Variants in GP9 observed in about 807,000 individuals in gnomAD.
GP9 encodes the protein platelet glycoprotein IX.
For synonymous variants in GP9, 116 were observed against 116.7 expected, an observed-to-expected ratio of 0.99 and a Z score of 0.04; for missense variants, 228 against 241.8, an observed-to-expected ratio of 0.94 and a Z score of 0.38.
Position 129,061,784 on chromosome 3 carries a change from G to A in GP9, c.45G>A (p.Glu15=). The A allele has an allele frequency of 6.2e-7, 1 of 1,613,188 alleles. No homozygotes were observed. Among genetic ancestry groups the A allele is most frequent in the Non-Finnish European group, 8.5e-7 (1 of 1,179,800 alleles). Residue 15 remains glutamate (E), a synonymous_variant, in exon 3 of 3, where the codon GAG becomes GAA. Transcript: ENST00000307395. ...TGTTCCTGCTCTGGGCCACAGCAGA[G>A]GCCACCAAGGACTGCCCCAGCCCAT... ...GALFLLWATA[E]ATKDCPSPCT... is the part of the protein sequence containing the mutation.
the GP9 span, among the ~76,000 whole-genome samples, chr3:129,055,104 G>C: frequency 4.6e-5 from 7 of 152,180 alleles, no homozygotes; most frequent in East Asian, 1.9e-4. Context: ...CAGTAATGCT[G>C]GTCAGTTGTT....
At chr3:129,057,480 T>G (rs1471070184), upstream of GP9, among the ~76,000 whole-genome samples, 3 of 151,950 alleles carry the variant, frequency 2.0e-5, no homozygotes, top group East Asian at 5.8e-4. Flanking sequence ...GGCTGGACAT[T>G]GATGAGCAAA....
At chr3:129,059,782 G>C (rs568129720), upstream of GP9, among the ~76,000 whole-genome samples, 1 of 152,298 alleles carries the variant, frequency 6.6e-6, no homozygotes, top group East Asian at 1.9e-4. Context: ...GAGGAGGAAG[G>C]CTGGCCTGAG....
At position 129,061,478 on chromosome 3, in the gene GP9, C is replaced by T. The variant is rs2107956062; in HGVS notation, c.-138-16C>T. On this transcript the variant is annotated splice_polypyrimidine_tract_variant and intron_variant, in intron 1 of 2. Coordinates refer to ENST00000307395, the MANE Select transcript of GP9 (RefSeq NM_000174.5). ...GTCCCTTCCCCTTCCCAAAAACAAACTTACCCAATCCACAGCCGCCCTCAC... is the reference window on the plus strand; with the variant it reads ...GTCCCTTCCCCTTCCCAAAAACAAATTTACCCAATCCACAGCCGCCCTCAC... 1 of 581,404 alleles carries T rather than the reference C, an allele frequency of 1.7e-6. No homozygotes were observed. Among genetic ancestry groups the T allele is most frequent in the Non-Finnish European group, 3.1e-6 (1 of 324,308 alleles). The allele number at this position is 581,404 out of a possible 1,614,324, so 36.0% of individuals were successfully genotyped here.
At chr3:129,059,459 G>A (rs1423319686), upstream of GP9, among the ~76,000 whole-genome samples, 5 of 152,210 alleles carry the variant, frequency 3.3e-5, no homozygotes, top group Non-Finnish European at 5.9e-5. Flanking sequence ...AGGGAGGGAA[G>A]GGCCAGACAG....
rs1946589739 is a variant in GP9 at position 129,062,296 on chromosome 3, C to T, written c.*23C>T. On this transcript the variant is annotated 3_prime_UTR_variant, in exon 3 of 3. Transcript: ENST00000307395. ...TGAGCCAGGCCCCCAGAACCCCTGG[C>T]TCCAGGCCAGGGGGCCAGTCCCTGA... 4.6e-6 allele frequency: 7 copies of T among 1,521,342 alleles called. No individual in the cohort carries two copies. The highest frequency in any genetic ancestry group is 2.5e-5 in the East Asian group (1 of 40,624). 94.2% of individuals were successfully genotyped at this position (1,521,342 alleles called of 1,614,324 possible). A position where few individuals can be genotyped will look rare whatever the true frequency, so the allele number is the denominator to read the frequency against.
chr3:129,062,198 G>A lies in GP9; in HGVS notation c.459G>A (p.Ala153=), dbSNP rs753215807. Residue 153 remains alanine, a synonymous_variant, in exon 3 of 3, where the codon GCG becomes GCA. Coordinates refer to ENST00000307395, the MANE Select transcript of GP9 (RefSeq NM_000174.5). ...WVRPGVLWDV[A]LVAVAALGLA... ...GCCCGGGGGTCTTGTGGGACGTGGC[G>A]CTGGTCGCCGTGGCCGCGCTGGGCC... 3.3e-5 allele frequency: 52 copies of A among 1,569,016 alleles called. No individual in the cohort carries two copies. The highest frequency in any genetic ancestry group is 8.1e-5 in the South Asian group (7 of 86,580).
chr3:129,058,448 G>A (rs773082283), upstream of GP9, among the ~76,000 whole-genome samples: 49 of 152,234 alleles, frequency 3.2e-4, no homozygotes, highest in Non-Finnish European at 3.5e-4. Flanking sequence ...GCCTGCTGAT[G>A]GCAGCAGGAT....
chr3:129,060,391 A>C (rs900811476), upstream of GP9, among the ~76,000 whole-genome samples: 3 of 152,260 alleles, frequency 2.0e-5, no homozygotes, highest in African/African-American at 7.2e-5. Context: ...GTTCTCAGCC[A>C]GTGGGAGCTG....
rs536654587 is a variant in GP9 at position 129,061,509 on chromosome 3, G to A, written c.-123G>A. 9.3e-5 allele frequency: 56 copies of A among 600,602 alleles called. No individual in the cohort carries two copies. The highest frequency in any genetic ancestry group is 8.7e-4 in the African/African-American group (47 of 54,038). The allele number at this position is 600,602 out of a possible 1,614,324, so 37.2% of individuals were successfully genotyped here. On this transcript the variant is annotated 5_prime_UTR_variant, in exon 2 of 3. Transcript: ENST00000307395. Reference sequence around the variant, plus strand: ...CAATCCACAGCCGCCCTCACCGCCCGGCCTTCTACGGTGTCCAGAGACAGT... The same window carrying A: ...CAATCCACAGCCGCCCTCACCGCCCAGCCTTCTACGGTGTCCAGAGACAGT...
chr3:129,060,635 A>C (rs1203069319), upstream of GP9: 1 of 152,378 alleles, frequency 6.6e-6, no homozygotes, highest in Middle Eastern at 3.2e-3. Context: ...CGGGGTTGAG[A>C]TGTGGTTCTG....
Position 129,062,235 on chromosome 3 carries a change from G to A in GP9, c.496G>A (p.Ala166Thr), listed in dbSNP as rs1415402164. ...AVAALGLALLAGLLCATTEAL... is the reference protein window; with the variant it reads ...AVAALGLALLTGLLCATTEAL... ...GGCCGCGCTGGGCCTGGCTCTTCTGGCTGGCCTGCTGTGTGCCACCACAGA... is the reference window on the plus strand; with the variant it reads ...GGCCGCGCTGGGCCTGGCTCTTCTGACTGGCCTGCTGTGTGCCACCACAGA... The change falls in exon 3 of 3, where the codon GCT becomes ACT. Residue 166 changes from alanine (A) to threonine (T), a missense_variant. Physicochemically the swap from Ala to Thr is moderately conservative, Grantham distance 58 (BLOSUM62 0). Coordinates refer to ENST00000307395, the MANE Select transcript of GP9 (RefSeq NM_000174.5). 1 of 1,559,614 alleles carries A rather than the reference G, an allele frequency of 6.4e-7. No homozygotes were observed. The highest frequency in any genetic ancestry group is 8.7e-7 in the Non-Finnish European group (1 of 1,154,664).
In GP9 at chr3:129,061,559, T is replaced by C. The variant is rs1166940451; in HGVS notation, c.-73T>C. The C allele has an allele frequency of 3.1e-6, 2 of 655,314 alleles. No individual in the cohort carries two copies. Among genetic ancestry groups the C allele is most frequent in the Non-Finnish European group, 5.5e-6 (2 of 364,318 alleles). The allele number at this position is 655,314 out of a possible 1,614,324, so 40.6% of individuals were successfully genotyped here. A position where few individuals can be genotyped will look rare whatever the true frequency, so the allele number is the denominator to read the frequency against. ...TTAGCCAGGCCTGGGCTGGGCACACTCCACCTTCCCTAGTCACCAGCTGGT... is the reference window on the plus strand; with the variant it reads ...TTAGCCAGGCCTGGGCTGGGCACACCCCACCTTCCCTAGTCACCAGCTGGT... On this transcript the variant is annotated 5_prime_UTR_variant, in exon 2 of 3. Transcript: ENST00000307395.
chr3:129,058,740 T>A (rs1483224760), upstream of GP9, among the ~76,000 whole-genome samples: 1 of 152,256 alleles, frequency 6.6e-6, no homozygotes, highest in Non-Finnish European at 1.5e-5. Flanking sequence ...GCCCACACAC[T>A]ACTGCTCTGG....
chr3:129,055,956 C>T (rs1946518355), upstream of GP9, among the ~76,000 whole-genome samples: 1 of 152,112 alleles, frequency 6.6e-6, no homozygotes, highest in South Asian at 2.1e-4. Flanking sequence ...TCAGGCCCCC[C>T]TTTCTTCCCT....
chr3:129,055,896 C>T (rs965934752), upstream of GP9, among the ~76,000 whole-genome samples: 1 of 152,114 alleles, frequency 6.6e-6, no homozygotes, highest in Admixed American at 6.5e-5. Flanking sequence ...CCGCCCACCT[C>T]GGCCTCCCAA....
intron 1 of GP9, 44 bp from the exon 2 acceptor site, chr3:129,061,450 G>T: frequency 1.8e-6 from 1 of 544,560 alleles, no homozygotes; most frequent in Non-Finnish European, 3.3e-6. Flanking sequence ...TAAGGGCCAG[G>T]AAGTCCCTTC....
At chr3:129,058,161 G>A (rs913329799), upstream of GP9, among the ~76,000 whole-genome samples, 2 of 152,142 alleles carry the variant, frequency 1.3e-5, no homozygotes, top group Non-Finnish European at 2.9e-5. Context: ...CTAACCTGAT[G>A]GAATGACCCA....
At position 129,061,491 on chromosome 3, in the gene GP9, C is replaced by G. The variant is rs182464550; in HGVS notation, c.-138-3C>G. 3.2e-4 allele frequency: 190 copies of G among 594,034 alleles called. 2 individuals carry two copies. In the East Asian group the frequency reaches 5.0e-3, roughly 16 times the overall value. 36.8% of individuals were successfully genotyped at this position (594,034 alleles called of 1,614,324 possible). On this transcript the variant is annotated splice_polypyrimidine_tract_variant and splice_region_variant and intron_variant, in intron 1 of 2. Transcript: ENST00000307395. ...CCCAAAAACAAACTTACCCAATCCA[C>G]AGCCGCCCTCACCGCCCGGCCTTCT...
Sources: allele counts gnomAD v4.1 joint callset (sites outside exome capture counted in the v4.1 genomes callset), GRCh38; gene constraint gnomAD v4.1.1; transcripts MANE v1.5; gene names NCBI Gene and HGNC (gene_info 2026-07-23, HGNC 2026-07-21).